The following KIAA1217 variants were observed in gnomAD, a reference collection of about 807,000 sequenced individuals.
KIAA1217 encodes the protein KIAA1217.
A neutral mutation model predicts 163.9 loss-of-function variants in KIAA1217; 88 were observed. The observed-to-expected ratio is 0.54, with a 90% confidence interval of 0.45 to 0.64. The LOEUF (loss-of-function observed/expected upper bound fraction) is 0.64, where lower values mean the gene tolerates loss of function less well. KIAA1217 is among the 30% of genes least tolerant of loss of function. The probability of loss-of-function intolerance (pLI) is 0.00; values close to 1 mark genes in which losing one functional copy is unlikely to be tolerated. For synonymous variants in KIAA1217, 903 were observed against 923.1 expected, an observed-to-expected ratio of 0.98 and a Z score of 0.39; for missense variants, 2,372 against 2,475.0, an observed-to-expected ratio of 0.96 and a Z score of 0.88.
chr10:24,340,162 G>A (rs1364069942), intron 2 of KIAA1217, among the ~76,000 whole-genome samples: 1 of 152,204 alleles, frequency 6.6e-6, no homozygotes, highest in African/African-American at 2.4e-5. Flanking sequence ...GGAGGGGTGT[G>A]AATCTGATGC....
chr10:24,202,057 G>C (rs1228899816), intron 2 of KIAA1217, among the ~76,000 whole-genome samples: 5 of 152,192 alleles, frequency 3.3e-5, no homozygotes, highest in Admixed American at 1.3e-4. Context: ...TCCAGGTGTG[G>C]CTGCAGGACT....
At chr10:23,900,780 C>T (rs1554821049) in intron 1 of KIAA1217, among the ~76,000 whole-genome samples, 4 of 151,996 alleles carry the variant, frequency 2.6e-5, no homozygotes, top group Non-Finnish European at 5.9e-5. Flanking sequence ...AAATAGACTC[C>T]AGTTAAAGAA....
chr10:23,856,168 G>A (rs527568244), intron 1 of KIAA1217, among the ~76,000 whole-genome samples: 1 of 152,116 alleles, frequency 6.6e-6, no homozygotes, highest in African/African-American at 2.4e-5. Context: ...TTTGATGATG[G>A]TGATGTACAG....
intron 1 of KIAA1217, among the ~76,000 whole-genome samples, chr10:23,735,856 G>A (rs1454612073): frequency 6.6e-6 from 1 of 152,080 alleles, no homozygotes; most frequent in African/African-American, 2.4e-5. Flanking sequence ...ATAGACATAT[G>A]AAACAATCAA....
At chr10:24,523,954 G>A (rs748898146) in intron 12 of KIAA1217, among the ~76,000 whole-genome samples, 3 of 152,194 alleles carry the variant, frequency 2.0e-5, no homozygotes. Flanking sequence ...CAAACAGAAG[G>A]AATTAGAATG....
At chr10:24,076,325 C>T (rs1477690841) in intron 2 of KIAA1217, among the ~76,000 whole-genome samples, 4 of 152,168 alleles carry the variant, frequency 2.6e-5, no homozygotes, top group East Asian at 1.9e-4. Flanking sequence ...TGGAGAGAGG[C>T]GCAGGGCCCC....
intron 1 of KIAA1217, among the ~76,000 whole-genome samples, chr10:23,963,110 A>G (rs566054062): frequency 2.0e-4 from 31 of 152,284 alleles, no homozygotes; most frequent in East Asian, 3.9e-4. Context: ...GGTTCAGCTT[A>G]AGAGTTGAAT....
At chr10:23,806,627 T>C (rs1456118000) in intron 1 of KIAA1217, among the ~76,000 whole-genome samples, 1 of 152,262 alleles carries the variant, frequency 6.6e-6, no homozygotes, top group African/African-American at 2.4e-5. Flanking sequence ...TACTTTCCTC[T>C]GTCATCTCTT....
intron 1 of KIAA1217, among the ~76,000 whole-genome samples, chr10:23,862,779 G>C (rs978846269): frequency 1.3e-5 from 2 of 152,084 alleles, no homozygotes; most frequent in Admixed American, 1.3e-4. Flanking sequence ...TTTGTTCTGA[G>C]GGAAGTAAGA....
chr10:24,150,185 T>A (rs2064539712), intron 2 of KIAA1217, among the ~76,000 whole-genome samples: 1 of 152,036 alleles, frequency 6.6e-6, no homozygotes. Flanking sequence ...GCCTGGATAA[T>A]TTTGTATTTT....
intron 2 of KIAA1217, among the ~76,000 whole-genome samples, chr10:24,131,236 C>T (rs1041110380): frequency 1.3e-5 from 2 of 152,136 alleles, no homozygotes; most frequent in African/African-American, 4.8e-5. Flanking sequence ...TGCTGTTCTT[C>T]GATTACGTGG....
intron 1 of KIAA1217, among the ~76,000 whole-genome samples, chr10:23,729,505 C>T (rs578254408): frequency 4.2e-4 from 64 of 152,200 alleles, no homozygotes; most frequent in Middle Eastern, 6.8e-3. Context: ...TAGGTATGTA[C>T]TAGTATCTCA....
chr10:23,974,974 G>T (rs761126875), intron 1 of KIAA1217, among the ~76,000 whole-genome samples: 2 of 151,920 alleles, frequency 1.3e-5, no homozygotes, highest in Non-Finnish European at 2.9e-5. Context: ...GTGTAGCTGT[G>T]CTATTTCTTT....
At chr10:23,865,815 T>C (rs1344394725) in intron 1 of KIAA1217, among the ~76,000 whole-genome samples, 1 of 152,180 alleles carries the variant, frequency 6.6e-6, no homozygotes, top group Non-Finnish European at 1.5e-5. Context: ...ATTTTAACAA[T>C]GGGAGAAGGG....
In KIAA1217 at chr10:23,932,360, T is replaced by C. The variant is rs572762603; in HGVS notation, c.-320-74865T>C. Among the ~76,000 whole-genome samples the C allele has an allele frequency of 2.0e-5, 3 of 152,276 alleles. No homozygotes were observed. In the South Asian group the frequency reaches 6.2e-4, roughly 32 times the overall value. On this transcript the variant is annotated intron_variant, in intron 1 of 18. Coordinates refer to the KIAA1217 transcript ENST00000376462. ...CATTCATTCATCAACTATTTGTTGATGGTCCCATATGTGCCCAGCAAAATG... is the reference window on the plus strand; with the variant it reads ...CATTCATTCATCAACTATTTGTTGACGGTCCCATATGTGCCCAGCAAAATG...
intron 6 of KIAA1217, among the ~76,000 whole-genome samples, chr10:24,479,452 G>A (rs1307665828): frequency 6.6e-6 from 1 of 152,050 alleles, no homozygotes; most frequent in Non-Finnish European, 1.5e-5. Flanking sequence ...TTTCTTGCTG[G>A]TATAGTAAAA....
intron 1 of KIAA1217, among the ~76,000 whole-genome samples, chr10:23,861,805 G>T (rs1283111241): frequency 6.6e-6 from 1 of 152,112 alleles, no homozygotes; most frequent in Non-Finnish European, 1.5e-5. Flanking sequence ...ACCTGGAAAT[G>T]GATTCTTCCC....
At chr10:24,426,570 A>G (rs989702629) in intron 3 of KIAA1217, among the ~76,000 whole-genome samples, 1 of 152,154 alleles carries the variant, frequency 6.6e-6, no homozygotes, top group African/African-American at 2.4e-5. Context: ...CGTTGCAGTG[A>G]GCCGAGATCG....
At chr10:24,445,687 A>G (rs1188848550) in intron 5 of KIAA1217, among the ~76,000 whole-genome samples, 1 of 151,688 alleles carries the variant, frequency 6.6e-6, no homozygotes, top group African/African-American at 2.4e-5. Context: ...AGCTTCATCC[A>G]TGTCCCTACA....
Sources: allele counts gnomAD v4.1 joint callset (sites outside exome capture counted in the v4.1 genomes callset), GRCh38; gene constraint gnomAD v4.1.1; transcripts MANE v1.5; gene names NCBI Gene and HGNC (gene_info 2026-07-23, HGNC 2026-07-21).